Variants in CADM2 observed in about 807,000 individuals in gnomAD.
CADM2 encodes immunoglobulin superfamily member 4D.
In CADM2, 12 loss-of-function variants were observed where a neutral mutation model predicts 49.8. That is an observed-to-expected ratio of 0.24 (90% CI 0.15 to 0.39). The LOEUF is 0.39. Ranked by LOEUF, CADM2 falls within the 10% of genes least tolerant of loss-of-function variation. CADM2 has a pLI of 1.00. For synonymous variants in CADM2, 214 were observed against 175.4 expected (o/e 1.22, Z -1.74); for missense variants, 378 against 492.3 (o/e 0.77, Z 2.20).
At chr3:85,251,153 A>AT (rs2042764802) in intron 1 of CADM2, among the ~76,000 whole-genome samples, 1 of 151,644 alleles carries the variant, frequency 6.6e-6, no homozygotes, top group Non-Finnish European at 1.5e-5. Context: ...TTGAATATGC[A>AT]TTTTTTCAAT....
At chr3:85,212,864 T>TCTCTCTCTC (rs1220821527) in intron 1 of CADM2, among the ~76,000 whole-genome samples, 2 of 107,174 alleles carry the variant, frequency 1.9e-5, no homozygotes, top group Non-Finnish European at 4.1e-5. Context: ...CTTTCTTTCT[T>TCTCTCTCTC]TCTTTCTTTC....
intron 3 of CADM2, among the ~76,000 whole-genome samples, chr3:85,838,997 G>A (rs1322231989): frequency 6.6e-6 from 1 of 151,818 alleles, no homozygotes; most frequent in Admixed American, 6.6e-5. Flanking sequence ...AGAATCTTGA[G>A]GTGGGATGGA....
intron 1 of CADM2, among the ~76,000 whole-genome samples, chr3:85,393,916 C>T (rs1364896377): frequency 6.6e-6 from 1 of 152,260 alleles, no homozygotes; most frequent in African/African-American, 2.4e-5. Flanking sequence ...ACGCCATTCT[C>T]CTGCCTCAGC....
chr3:85,530,649 C>T (rs931508694), intron 1 of CADM2, among the ~76,000 whole-genome samples: 1 of 151,756 alleles, frequency 6.6e-6, no homozygotes, highest in South Asian at 2.1e-4. Flanking sequence ...TATAAATTAC[C>T]CAGTCTTGGG....
chr3:85,901,988 A>G (rs1475764211), intron 5 of CADM2, among the ~76,000 whole-genome samples: 2 of 152,184 alleles, frequency 1.3e-5, no homozygotes, highest in African/African-American at 4.8e-5. Context: ...CAAATAATAT[A>G]TCATTGTATG....
At chr3:85,583,141 CT>C (rs1369923287) in intron 1 of CADM2, among the ~76,000 whole-genome samples, 1 of 152,060 alleles carries the variant, frequency 6.6e-6, no homozygotes, top group African/African-American at 2.4e-5. Context: ...AACTGGCAGT[CT>C]TTGAGTCCTA....
chr3:85,118,530 A>G (rs940334602), intron 1 of CADM2, among the ~76,000 whole-genome samples: 13 of 152,222 alleles, frequency 8.5e-5, no homozygotes, highest in Non-Finnish European at 1.3e-4. Context: ...TTATAAAGCC[A>G]TCAGATCTTG....
chr3:86,042,366 A>G (rs1410379249), intron 8 of CADM2, among the ~76,000 whole-genome samples: 1 of 152,192 alleles, frequency 6.6e-6, no homozygotes, highest in African/African-American at 2.4e-5. Context: ...AGAAGAATCA[A>G]ATAGATGCAA....
chr3:85,493,954 A>G (rs1023694816), intron 1 of CADM2, among the ~76,000 whole-genome samples: 7 of 152,216 alleles, frequency 4.6e-5, no homozygotes, highest in African/African-American at 1.7e-4. Flanking sequence ...GGAGAAATAA[A>G]TCCTCAAATG....
At chr3:85,497,083 G>A (rs1431912636) in intron 1 of CADM2, among the ~76,000 whole-genome samples, 1 of 152,096 alleles carries the variant, frequency 6.6e-6, no homozygotes, top group Non-Finnish European at 1.5e-5. Flanking sequence ...TCCTGACTTC[G>A]ATCTGCCTGT....
In CADM2 at chr3:85,640,811, T is replaced by C. The variant is rs78456493; in HGVS notation, c.62-85711T>C. 8.6e-3 allele frequency among the ~76,000 whole-genome samples: 1,312 copies of C among 152,134 alleles called. 19 individuals carry two copies. Among genetic ancestry groups the C allele is most frequent in the African/African-American group, 0.03 (1,259 of 41,524 alleles). Reference sequence around the variant, plus strand: ...GAGCAATTTAGAGATTGTTGCAGAATTTCAGTTAGAAAGTGATTTAGGTCT... The same window carrying C: ...GAGCAATTTAGAGATTGTTGCAGAACTTCAGTTAGAAAGTGATTTAGGTCT... On this transcript the variant is annotated intron_variant, in intron 1 of 9. Coordinates refer to ENST00000383699, the MANE Select transcript of CADM2 (RefSeq NM_001167675.2).
At chr3:85,468,011 G>A (rs1405216161) in intron 1 of CADM2, among the ~76,000 whole-genome samples, 2 of 151,750 alleles carry the variant, frequency 1.3e-5, no homozygotes, top group Non-Finnish European at 2.9e-5. Context: ...AAAATTAGCC[G>A]GGCGCAGTGG....
At chr3:85,189,053 T>G (rs919918884) in intron 1 of CADM2, among the ~76,000 whole-genome samples, 11 of 120,312 alleles carry the variant, frequency 9.1e-5, no homozygotes, top group African/African-American at 3.2e-4. Context: ...ATAGTAATAA[T>G]AAATAAATAA....
chr3:85,785,600 A>G (rs1009660527), intron 2 of CADM2, among the ~76,000 whole-genome samples: 1 of 152,052 alleles, frequency 6.6e-6, no homozygotes, highest in Non-Finnish European at 1.5e-5. Context: ...GTCATATAAG[A>G]CAGGTGATAC....
intron 6 of CADM2, among the ~76,000 whole-genome samples, chr3:85,924,228 T>C (rs1719528839): frequency 6.6e-6 from 1 of 152,156 alleles, no homozygotes; most frequent in Non-Finnish European, 1.5e-5. Context: ...TTATGAAATA[T>C]CATTACTTAA....
At chr3:85,310,444 A>G (rs555868286) in intron 1 of CADM2, among the ~76,000 whole-genome samples, 1 of 152,186 alleles carries the variant, frequency 6.6e-6, no homozygotes, top group Admixed American at 6.5e-5. Context: ...CTTAACCACA[A>G]TACAAGCATT....
chr3:85,181,429 A>T (rs2040931007), intron 1 of CADM2, among the ~76,000 whole-genome samples: 1 of 152,124 alleles, frequency 6.6e-6, no homozygotes, highest in South Asian at 2.1e-4. Flanking sequence ...TAATTAAACA[A>T]TAAAAAGTAG....
At chr3:84,988,697 A>T (rs970577536) in intron 1 of CADM2, among the ~76,000 whole-genome samples, 11 of 152,198 alleles carry the variant, frequency 7.2e-5, no homozygotes, top group African/African-American at 2.6e-4. Context: ...TAATTGAATT[A>T]GTTTGATCAT....
At chr3:85,014,166 T>G in intron 1 of CADM2, among the ~76,000 whole-genome samples, 1 of 147,412 alleles carries the variant, frequency 6.8e-6, no homozygotes, top group African/African-American at 2.5e-5. Context: ...ATATTATATA[T>G]ACGCAGTGTA....
Sources: gnomAD v4.1 joint callset for allele counts (sites outside exome capture counted in the v4.1 genomes callset) on GRCh38, gnomAD v4.1.1 for gene constraint, MANE v1.5 for transcripts, NCBI Gene and HGNC (gene_info 2026-07-23, HGNC 2026-07-21) for gene names.